Variants in RUFY2 observed in about 807,000 individuals in gnomAD.
RUFY2 encodes RUN and FYVE domain-containing protein 2.
RUFY2 carries 49 observed loss-of-function variants against 94.4 expected under a neutral mutation model. The observed-to-expected ratio is 0.52, with a 90% CI of 0.41 to 0.66. RUFY2 has a LOEUF of 0.66. Among genes scored for constraint, RUFY2 ranks in the 30% least tolerant of loss-of-function variants. RUFY2 has a pLI of 0.00. For missense variants in RUFY2, 541 were observed against 692.8 expected (o/e 0.78, Z 2.46); for synonymous variants, 255 against 235.7 (o/e 1.08, Z -0.75).
chr10:68,370,418 C>T (rs917384725), intron 13 of RUFY2, among the ~76,000 whole-genome samples: 3 of 151,132 alleles, frequency 2.0e-5, no homozygotes, highest in African/African-American at 7.3e-5. Context: ...CTTGAATCCC[C>T]ATGCAGCAGT....
Position 68,393,192 on chromosome 10 carries a change from A to G in RUFY2, c.596T>C (p.Ile199Thr), listed in dbSNP as rs774921420. ...DIGNKERNVQ[I>T]AAILDQKNYV... is the part of the protein sequence containing the mutation. The stretch of plus-strand genomic sequence containing the variant: ...ATTCTTTTGGTCTAATATGGCAGCA[A>G]TTTGAACATTCCTAAATGAGGAAAA... The change falls in exon 7 of 18, where the codon ATT becomes ACT. Residue 199 changes from isoleucine (I) to threonine (T), a missense_variant. This residue lies in a region of RUFY2 where 403 missense variants were observed against 480.7 expected (regional missense o/e 0.84). Coordinates refer to ENST00000602465, the MANE Select transcript of RUFY2 (RefSeq NM_001330103.2). 13 of 1,556,972 alleles carry G rather than the reference A, an allele frequency of 8.3e-6. No homozygotes were observed. Among genetic ancestry groups the G allele is most frequent in the Non-Finnish European group, 1.1e-5 (13 of 1,138,352 alleles).
intron 7 of RUFY2, among the ~76,000 whole-genome samples, chr10:68,386,555 G>C (rs1397311410): frequency 4.6e-5 from 7 of 151,990 alleles, no homozygotes; most frequent in Non-Finnish European, 8.8e-5. Flanking sequence ...ACACCATGTT[G>C]GTCAGGCTGG....
intron 7 of RUFY2, among the ~76,000 whole-genome samples, chr10:68,386,719 G>A (rs534686575): frequency 2.6e-5 from 4 of 152,200 alleles, no homozygotes; most frequent in South Asian, 2.1e-4. Context: ...ATAAAAATTC[G>A]ACACAAAGAT....
Position 68,407,069 on chromosome 10 carries a change from C to T in RUFY2, c.4+117G>A, listed in dbSNP as rs1394321182. 3 of 1,485,810 alleles carry T rather than the reference C, an allele frequency of 2.0e-6. No individual in the cohort carries two copies. The African/African-American group carries it at 4.3e-5, about 21-fold the overall frequency. The allele number at this position is 1,485,810 out of a possible 1,614,324, so 92.0% of individuals were successfully genotyped here. A position where few individuals can be genotyped will look rare whatever the true frequency, so the allele number is the denominator to read the frequency against. On this transcript the variant is annotated intron_variant, in intron 1 of 17. Transcript: ENST00000602465. ...AGTCCCCGCCCATCCTGGGTTCGGG[C>T]CCCAGTTCCGACTGGCGGCCTCGGC...
chr10:68,383,809 G>C lies in RUFY2; in HGVS notation c.928C>G (p.Gln310Glu). Residue 310 changes from glutamine to glutamate, a missense_variant, in exon 10 of 18, where the codon CAG (glutamine) becomes GAG (glutamate). By Grantham distance (29) the Gln-to-Glu change is conservative. Coordinates refer to ENST00000602465, the MANE Select transcript of RUFY2 (RefSeq NM_001330103.2). ...EARRQLRDES[Q>E]LRQDVENELA... ...TTAATATAACCTACCTGTCGTAACT[G>C]AGATTCATCTCGAAGCTGCCTTCTG... 6.2e-7 allele frequency: 1 copy of C among 1,608,250 alleles called. No individual in the cohort carries two copies. The highest frequency in any genetic ancestry group is 8.5e-7 in the Non-Finnish European group (1 of 1,174,828).
At chr10:68,392,268 G>T (rs2050057234) in intron 7 of RUFY2, among the ~76,000 whole-genome samples, 1 of 151,910 alleles carries the variant, frequency 6.6e-6, no homozygotes, top group Non-Finnish European at 1.5e-5. Flanking sequence ...CCTTACCTCA[G>T]GTGATCCACC....
intron 1 of RUFY2, chr10:68,406,841 A>G (rs769215045): frequency 1.9e-6 from 3 of 1,608,286 alleles, no homozygotes; most frequent in Non-Finnish European, 2.5e-6. Context: ...TCCCTCCGCC[A>G]CCCCCAAACC....
chr10:68,356,808 C>T (rs2047083097), intron 15 of RUFY2, among the ~76,000 whole-genome samples: 1 of 151,882 alleles, frequency 6.6e-6, no homozygotes, highest in Non-Finnish European at 1.5e-5. Context: ...CTTGGCCTCC[C>T]AAAGTGCTGG....
At chr10:68,399,451 C>T (rs896666355) in intron 3 of RUFY2, among the ~76,000 whole-genome samples, 2 of 152,136 alleles carry the variant, frequency 1.3e-5, no homozygotes, top group African/African-American at 4.8e-5. Context: ...ATAATAATAA[C>T]CTCTACCTGT....
chr10:68,399,046 A>AT (rs751426554), intron 3 of RUFY2, among the ~76,000 whole-genome samples: 52 of 149,072 alleles, frequency 3.5e-4, no homozygotes, highest in Non-Finnish European at 5.2e-4. Context: ...TTTTTTTCCA[A>AT]TTTTTTTTGG....
At chr10:68,349,595 G>C (rs1019600097) in intron 16 of RUFY2, among the ~76,000 whole-genome samples, 1 of 151,794 alleles carries the variant, frequency 6.6e-6, no homozygotes, top group Non-Finnish European at 1.5e-5. Flanking sequence ...CTGGAGTGCA[G>C]TGGTGCAATC....
At chr10:68,349,545 A>C (rs1370630657) in intron 16 of RUFY2, among the ~76,000 whole-genome samples, 2 of 151,530 alleles carry the variant, frequency 1.3e-5, no homozygotes, top group East Asian at 3.9e-4. Flanking sequence ...AAGAAAAAAA[A>C]ATTTTTTTTT....
Position 68,406,611 on chromosome 10 carries a change from G to A in RUFY2, c.4+575C>T, listed in dbSNP as rs1392239893. 12 of 789,624 alleles carry A rather than the reference G, an allele frequency of 1.5e-5. No homozygotes were observed. The Middle Eastern group carries it at 1.1e-3, about 75-fold the overall frequency. 48.9% of individuals were successfully genotyped at this position (789,624 alleles called of 1,614,324 possible). Reference sequence around the variant, plus strand: ...CCGTACGCGACCCCCAAACCCGGCCGCAGGCGCGCAAGGAGTACCAGGGCC... The same window carrying A: ...CCGTACGCGACCCCCAAACCCGGCCACAGGCGCGCAAGGAGTACCAGGGCC... On this transcript the variant is annotated intron_variant, in intron 1 of 17. Coordinates refer to ENST00000602465, the MANE Select transcript of RUFY2 (RefSeq NM_001330103.2).
intron 2 of RUFY2, among the ~76,000 whole-genome samples, chr10:68,403,136 G>A (rs1424807584): frequency 1.4e-5 from 2 of 147,376 alleles, no homozygotes; most frequent in African/African-American, 2.5e-5. Context: ...ATGAGCCATC[G>A]CACCCAGCCA....
chr10:68,402,839 C>CT (rs68013041), intron 2 of RUFY2, among the ~76,000 whole-genome samples: 2,908 of 109,848 alleles, frequency 0.026, 119 homozygotes, highest in African/African-American at 0.055. Context: ...CAAGCCATAT[C>CT]TTTTTTTTTT....
intron 15 of RUFY2, among the ~76,000 whole-genome samples, chr10:68,356,710 G>C (rs2047077489): frequency 6.6e-6 from 1 of 151,502 alleles, no homozygotes; most frequent in African/African-American, 2.4e-5. Flanking sequence ...ATAACTCCCA[G>C]GCTAATTTTT....
At chr10:68,352,919 CA>C (rs964749208) in intron 16 of RUFY2, among the ~76,000 whole-genome samples, 10 of 140,148 alleles carry the variant, frequency 7.1e-5, no homozygotes, top group African/African-American at 7.9e-5. Flanking sequence ...GACTCCATCT[CA>C]AAAAAAAAAG....
intron 3 of RUFY2, among the ~76,000 whole-genome samples, chr10:68,401,155 C>A (rs1447750243): frequency 1.3e-5 from 2 of 152,182 alleles, no homozygotes; most frequent in African/African-American, 4.8e-5. Flanking sequence ...AGGCTGGTGA[C>A]ATTATAGGTA....
At chr10:68,370,799 G>T (rs927497333) in intron 13 of RUFY2, among the ~76,000 whole-genome samples, 3 of 151,784 alleles carry the variant, frequency 2.0e-5, no homozygotes, top group Non-Finnish European at 2.9e-5. Context: ...TATAACAACA[G>T]AAATTATCCA....
Sources: gnomAD v4.1 joint callset for allele counts (sites outside exome capture counted in the v4.1 genomes callset) on GRCh38, gnomAD v4.1.1 for gene constraint, gnomAD v4.1.1 regional missense constraint, MANE v1.5 for transcripts, NCBI Gene and HGNC (gene_info 2026-07-23, HGNC 2026-07-21) for gene names.